The following KCNH1 variants were observed in gnomAD, a reference collection of about 807,000 sequenced individuals.
KCNH1 encodes the protein voltage-gated delayed rectifier potassium channel KCNH1.
KCNH1 carries 27 observed loss-of-function variants against 69.2 expected under a neutral mutation model. The ratio of observed to expected loss-of-function variants is 0.39; its 90% CI spans 0.29 to 0.54. KCNH1 has a LOEUF of 0.54. KCNH1 is among the 20% of genes least tolerant of loss of function. KCNH1 has a pLI of 0.68. For missense variants in KCNH1, 798 were observed against 1,261.6 expected (o/e 0.63, Z 5.57); for synonymous variants, 456 against 487.7 (o/e 0.93, Z 0.86).
At chr1:210,904,357 C>G (rs1487531127) in intron 7 of KCNH1, among the ~76,000 whole-genome samples, 1 of 152,116 alleles carries the variant, frequency 6.6e-6, no homozygotes, top group Non-Finnish European at 1.5e-5. Context: ...GAGCCTTCCC[C>G]CATGCTTCCC....
At chr1:210,976,115 G>A (rs983366781) in intron 6 of KCNH1, among the ~76,000 whole-genome samples, 2 of 152,144 alleles carry the variant, frequency 1.3e-5, no homozygotes, top group African/African-American at 4.8e-5. Context: ...GTGCTGGAGA[G>A]GATATGGAGA....
chr1:211,015,901 A>G (rs1316600707), intron 6 of KCNH1, among the ~76,000 whole-genome samples: 1 of 152,230 alleles, frequency 6.6e-6, no homozygotes, highest in Non-Finnish European at 1.5e-5. Flanking sequence ...CAAAGCTTTA[A>G]AAGAAATTAC....
chr1:210,955,227 T>C (rs1252243592), intron 6 of KCNH1, among the ~76,000 whole-genome samples: 1 of 152,206 alleles, frequency 6.6e-6, no homozygotes, highest in Non-Finnish European at 1.5e-5. Flanking sequence ...TGTGGTGTTA[T>C]TTCTGAGGCC....
chr1:210,833,954 T>A (rs1685224383), intron 7 of KCNH1, among the ~76,000 whole-genome samples: 2 of 152,204 alleles, frequency 1.3e-5, no homozygotes, highest in Non-Finnish European at 2.9e-5. Flanking sequence ...TCACTGGCCA[T>A]CAGAGAAATG....
intron 6 of KCNH1, among the ~76,000 whole-genome samples, chr1:211,001,197 A>C (rs1689171443): frequency 6.6e-6 from 1 of 152,234 alleles, no homozygotes; most frequent in African/African-American, 2.4e-5. Flanking sequence ...TCTGCACAGC[A>C]AAAGAAACTA....
intron 7 of KCNH1, among the ~76,000 whole-genome samples, chr1:210,846,749 G>C (rs946630417): frequency 5.9e-5 from 9 of 151,840 alleles, no homozygotes; most frequent in South Asian, 2.1e-4. Context: ...TTAAACTAAA[G>C]AGCTTCTGCA....
chr1:210,983,245 C>A (rs1688751799), intron 6 of KCNH1, among the ~76,000 whole-genome samples: 1 of 152,168 alleles, frequency 6.6e-6, no homozygotes, highest in Admixed American at 6.5e-5. Context: ...ATGGTAGTTT[C>A]TTTTGCTGTG....
intron 6 of KCNH1, among the ~76,000 whole-genome samples, chr1:210,944,776 T>C (rs1687929300): frequency 6.6e-6 from 1 of 152,194 alleles, no homozygotes; most frequent in African/African-American, 2.4e-5. Context: ...ATAAAATGTA[T>C]CATTTCAACC....
At chr1:210,775,887 C>T (rs1683849838) in intron 9 of KCNH1, among the ~76,000 whole-genome samples, 2 of 151,976 alleles carry the variant, frequency 1.3e-5, no homozygotes, top group South Asian at 4.2e-4. Context: ...GATAATAATC[C>T]TTCATTATAT....
At chr1:210,904,042 A>G (rs1321527757) in intron 7 of KCNH1, among the ~76,000 whole-genome samples, 2 of 152,214 alleles carry the variant, frequency 1.3e-5, no homozygotes, top group African/African-American at 2.4e-5. Context: ...CTGTTCTGCA[A>G]TCTCTTCATG....
chr1:211,067,699 C>T (rs968678403), intron 5 of KCNH1, among the ~76,000 whole-genome samples: 2 of 152,156 alleles, frequency 1.3e-5, no homozygotes, highest in Admixed American at 1.3e-4. Flanking sequence ...ATCCCCTACC[C>T]GGTCTAAAGC....
intron 1 of KCNH1, among the ~76,000 whole-genome samples, chr1:211,113,935 GTC>G (rs138982653): frequency 0.16 from 22,694 of 137,582 alleles, 1,877 homozygotes; most frequent in African/African-American, 0.25. Flanking sequence ...ATTAGATCAA[GTC>G]TCTCTCTCTC....
At position 211,115,860 on chromosome 1, in the gene KCNH1, C is replaced by G. The variant is rs1315936693; in HGVS notation, c.80-8483G>C. 2.0e-5 allele frequency among the ~76,000 whole-genome samples: 3 copies of G among 151,942 alleles called. No individual in the cohort carries two copies. The East Asian group carries it at 5.8e-4, about 29-fold the overall frequency. On this transcript the variant is annotated intron_variant, in intron 1 of 10. Transcript: ENST00000271751. The stretch of plus-strand genomic sequence containing the variant: ...GAATTCCAAGGACATTTCAGCCAGG[C>G]ATGGTGGCTCACATGTGTAATCCCA...
chr1:210,774,576 A>G (rs1683824662), intron 10 of KCNH1, among the ~76,000 whole-genome samples: 1 of 152,226 alleles, frequency 6.6e-6, no homozygotes, highest in Non-Finnish European at 1.5e-5. Context: ...AAAGATTCCT[A>G]TGACAACCTT....
At chr1:210,939,059 C>T (rs994261260) in intron 6 of KCNH1, among the ~76,000 whole-genome samples, 2 of 152,100 alleles carry the variant, frequency 1.3e-5, no homozygotes, top group Admixed American at 6.5e-5. Context: ...CTGTGAAGCC[C>T]CCTGATCCCC....
chr1:210,944,431 C>T (rs985382), intron 6 of KCNH1, among the ~76,000 whole-genome samples: 116,467 of 152,186 alleles, frequency 0.77, 45,178 homozygotes, highest in East Asian at 0.89. Context: ...AGAAAGCAGA[C>T]GGCCAAAGGA....
chr1:210,847,092 C>G (rs577449336), intron 7 of KCNH1, among the ~76,000 whole-genome samples: 51 of 152,238 alleles, frequency 3.4e-4, no homozygotes, highest in African/African-American at 1.2e-3. Context: ...AGCTGCTGGA[C>G]AGGATGTGGA....
At chr1:210,725,777 A>G (rs1682575793) in intron 10 of KCNH1, among the ~76,000 whole-genome samples, 1 of 152,032 alleles carries the variant, frequency 6.6e-6, no homozygotes. Context: ...CTGTTTCCCA[A>G]CCAGCCCTTA....
At chr1:211,064,771 G>A (rs952881276) in intron 5 of KCNH1, among the ~76,000 whole-genome samples, 2 of 151,750 alleles carry the variant, frequency 1.3e-5, no homozygotes, top group African/African-American at 4.8e-5. Context: ...AATAAATAAG[G>A]CACTCAAAAC....
Sources: allele counts gnomAD v4.1 joint callset (sites outside exome capture counted in the v4.1 genomes callset), GRCh38; gene constraint gnomAD v4.1.1; transcripts MANE v1.5; gene names NCBI Gene and HGNC (gene_info 2026-07-23, HGNC 2026-07-21).